The following EDAR variants were observed in gnomAD, a reference collection of about 807,000 sequenced individuals.
EDAR encodes ectodysplasin A receptor, also known as tumor necrosis factor receptor superfamily member EDAR.
Under a neutral mutation model 51.3 loss-of-function variants are expected in EDAR, and 38 were observed. The ratio of observed to expected loss-of-function variants is 0.74; its 90% confidence interval spans 0.57 to 0.97. The LOEUF is 0.97. Ranked by LOEUF, EDAR falls within the 50% of genes least tolerant of loss-of-function variation. The pLI, the probability that EDAR is intolerant of heterozygous loss-of-function variation, is 0.00. For synonymous variants in EDAR, 227 were observed against 242.1 expected, an observed-to-expected ratio of 0.94 and a Z score of 0.58; for missense variants, 528 against 595.0, an observed-to-expected ratio of 0.89 and a Z score of 1.17.
At chr2:108,931,239 C>A (rs1175276429) in intron 1 of EDAR, among the ~76,000 whole-genome samples, 1 of 152,226 alleles carries the variant, frequency 6.6e-6, no homozygotes, top group Non-Finnish European at 1.5e-5. Flanking sequence ...CGCAGCCATG[C>A]CTGGGAGGGA....
intron 1 of EDAR, among the ~76,000 whole-genome samples, chr2:108,952,050 C>G (rs1697837320): frequency 6.6e-6 from 1 of 152,170 alleles, no homozygotes; most frequent in Admixed American, 6.5e-5. Context: ...CTTGTTACTG[C>G]TTTGTTTTTT....
chr2:108,938,500 T>G lies in EDAR; in HGVS notation c.-18-7468A>C, dbSNP rs529040305. On this transcript the variant is annotated intron_variant, in intron 1 of 11. Transcript: ENST00000258443. ...TGGAGGATTGCTCACGAAAATAACG[T>G]GGCTTGCAAATATCCATGCAGAAGT... Among the ~76,000 whole-genome samples, 8 of 152,342 alleles carry G rather than the reference T, an allele frequency of 5.3e-5. No individual in the cohort carries two copies. The South Asian group carries it at 1.5e-3, about 28-fold the overall frequency.
intron 9 of EDAR, among the ~76,000 whole-genome samples, chr2:108,908,584 G>A (rs1040293745): frequency 2.0e-5 from 3 of 152,098 alleles, no homozygotes; most frequent in Non-Finnish European, 2.9e-5. Context: ...AAGCCCCAGC[G>A]GGTGAGCTGG....
In EDAR at chr2:108,949,940, T is replaced by G. The variant is rs1203386764; in HGVS notation, c.-18-18908A>C. Among the ~76,000 whole-genome samples the G allele has an allele frequency of 4.6e-5, 7 of 152,194 alleles. No homozygotes were observed. In the South Asian group the frequency reaches 1.4e-3, roughly 31 times the overall value. ...AGGCCAATGCCCTCATTTCCTGAGG[T>G]TTTTGAAATAACAAATGTATATGGG... is the stretch of plus-strand genomic sequence containing the variant. On this transcript the variant is annotated intron_variant, in intron 1 of 11. Transcript: ENST00000258443.
At chr2:108,935,956 G>A (rs7602994) in intron 1 of EDAR, among the ~76,000 whole-genome samples, 82 of 152,318 alleles carry the variant, frequency 5.4e-4, no homozygotes, top group African/African-American at 1.9e-3. Context: ...GGCTTTGACT[G>A]TCTATACTTG....
chr2:108,949,088 T>A (rs146080090), intron 1 of EDAR, among the ~76,000 whole-genome samples: 225 of 152,294 alleles, frequency 1.5e-3, no homozygotes, highest in African/African-American at 5.4e-3. Flanking sequence ...AGTGATTCTC[T>A]CACCTCAGCC....
chr2:108,955,819 G>A (rs1697911923), intron 1 of EDAR, among the ~76,000 whole-genome samples: 1 of 152,240 alleles, frequency 6.6e-6, no homozygotes, highest in Non-Finnish European at 1.5e-5. Context: ...AAGGTCAGGA[G>A]ATTGAGACCA....
intron 1 of EDAR, among the ~76,000 whole-genome samples, chr2:108,949,086 T>C (rs1697772575): frequency 6.6e-6 from 1 of 152,188 alleles, no homozygotes; most frequent in Non-Finnish European, 1.5e-5. Flanking sequence ...CAAGTGATTC[T>C]CTCACCTCAG....
intron 1 of EDAR, among the ~76,000 whole-genome samples, chr2:108,981,208 C>T (rs1304839985): frequency 6.6e-6 from 1 of 152,192 alleles, no homozygotes; most frequent in African/African-American, 2.4e-5. Context: ...CGTTCCACCA[C>T]CAGCACGGGA....
intron 1 of EDAR, among the ~76,000 whole-genome samples, chr2:108,953,926 T>C (rs1159867694): frequency 6.6e-6 from 1 of 152,218 alleles, no homozygotes; most frequent in Non-Finnish European, 1.5e-5. Context: ...AATGTTTTTC[T>C]ACATATTATA....
intron 1 of EDAR, among the ~76,000 whole-genome samples, chr2:108,954,606 GTC>G (rs1697885541): frequency 6.6e-6 from 1 of 151,876 alleles, no homozygotes; most frequent in African/African-American, 2.4e-5. Context: ...TGAATTCTGT[GTC>G]TCTGTCTGCT....
chr2:108,988,768 A>G (rs1330155555), intron 1 of EDAR, among the ~76,000 whole-genome samples, 192 bp downstream of exon 1: 2 of 152,226 alleles, frequency 1.3e-5, no homozygotes, highest in African/African-American at 4.8e-5. Flanking sequence ...ATGTTTTTCT[A>G]AAACAAAGGA....
At chr2:108,952,654 G>T (rs982378876) in intron 1 of EDAR, among the ~76,000 whole-genome samples, 1 of 152,250 alleles carries the variant, frequency 6.6e-6, no homozygotes, top group South Asian at 2.1e-4. Flanking sequence ...ATATTAATAT[G>T]AGTTATTCTA....
intron 1 of EDAR, among the ~76,000 whole-genome samples, chr2:108,934,181 A>C (rs1035271405): frequency 6.6e-6 from 1 of 152,104 alleles, no homozygotes; most frequent in Non-Finnish European, 1.5e-5. Context: ...CAGAACTAAA[A>C]GTCTGTGGCC....
At chr2:108,976,776 C>A (rs899717400) in intron 1 of EDAR, among the ~76,000 whole-genome samples, 3 of 152,086 alleles carry the variant, frequency 2.0e-5, no homozygotes. Context: ...GTTTGTGTGT[C>A]CCTTAGACAT....
At chr2:108,924,498 C>A (rs1226155023) in intron 4 of EDAR, among the ~76,000 whole-genome samples, 1 of 152,204 alleles carries the variant, frequency 6.6e-6, no homozygotes, top group Non-Finnish European at 1.5e-5. Flanking sequence ...TTCCCTATTG[C>A]GATTCAAGAA....
intron 1 of EDAR, among the ~76,000 whole-genome samples, chr2:108,956,293 T>C (rs1260234833): frequency 1.3e-5 from 2 of 152,232 alleles, no homozygotes; most frequent in African/African-American, 4.8e-5. Context: ...TTTTTATACA[T>C]TCTGAAGAGT....
In EDAR at chr2:108,940,035, C is replaced by T. The variant is rs118176456; in HGVS notation, c.-18-9003G>A. Among the ~76,000 whole-genome samples the T allele has an allele frequency of 8.0e-3, 1,216 of 152,314 alleles. 10 individuals carry two copies. Among genetic ancestry groups the T allele is most frequent in the South Asian group, 0.029 (142 of 4,830 alleles). On this transcript the variant is annotated intron_variant, in intron 1 of 11. Transcript: ENST00000258443. ...CATTGAAAGACACGCTACTAGAATC[C>T]CAAGCTATGTCAGCCAGACAGAAGA...
At chr2:108,947,156 G>A (rs1018375395) in intron 1 of EDAR, among the ~76,000 whole-genome samples, 7 of 152,204 alleles carry the variant, frequency 4.6e-5, no homozygotes, top group South Asian at 4.2e-4. Context: ...AAACCTGGCC[G>A]GGCAGTCATT....
Sources: gnomAD v4.1 joint callset for allele counts (sites outside exome capture counted in the v4.1 genomes callset) on GRCh38, gnomAD v4.1.1 for gene constraint, MANE v1.5 for transcripts, NCBI Gene and HGNC (gene_info 2026-07-23, HGNC 2026-07-21) for gene names.